The following ASTN2 variants were observed in gnomAD, a reference collection of about 807,000 sequenced individuals.
ASTN2 encodes astrotactin-2.
In ASTN2, 54 loss-of-function variants were observed where a neutral mutation model predicts 139.8. The ratio of observed to expected loss-of-function variants is 0.39; its 90% CI spans 0.31 to 0.48. ASTN2 has a LOEUF of 0.48. ASTN2 is among the 20% of genes least tolerant of loss of function. The pLI is 0.95. For synonymous variants in ASTN2, 756 were observed against 719.5 expected (o/e 1.05, Z -0.81); for missense variants, 1,565 against 1,725.1 (o/e 0.91, Z 1.64).
intron 11 of ASTN2, among the ~76,000 whole-genome samples, chr9:116,834,531 A>C (rs1831925630): frequency 6.6e-6 from 1 of 152,176 alleles, no homozygotes; most frequent in Admixed American, 6.5e-5. Context: ...GATATTTTAT[A>C]ATTATTTGGT....
rs758443253 is a variant in ASTN2 at position 116,651,803 on chromosome 9, C to A, written c.2807-10G>T. On this transcript the variant is annotated splice_polypyrimidine_tract_variant and intron_variant, in intron 16 of 22. Coordinates refer to ENST00000313400, the MANE Select transcript of ASTN2 (RefSeq NM_001365068.1). ...CCCAGCTCTGTGGTCTCTGGAGAGG[C>A]ACAAGACAGGAAGAGCGAAAGGTAA... 1.2e-6 allele frequency: 2 copies of A among 1,609,574 alleles called. No homozygotes were observed. Among genetic ancestry groups the A allele is most frequent in the Admixed American group, 3.3e-5 (2 of 59,922 alleles).
chr9:116,607,673 ACACACACACAC>A (rs1564149438), intron 19 of ASTN2, among the ~76,000 whole-genome samples: 6 of 7,270 alleles, frequency 8.3e-4, no homozygotes, highest in Admixed American at 2.0e-3. Context: ...AGAAATTAAC[ACACACACACAC>A]ACACACACAC....
intron 10 of ASTN2, among the ~76,000 whole-genome samples, chr9:116,963,617 C>T (rs753148869): frequency 3.9e-5 from 6 of 152,056 alleles, no homozygotes; most frequent in African/African-American, 9.7e-5. Context: ...GTGTCCACGA[C>T]GATAGAGAGG....
intron 5 of ASTN2, among the ~76,000 whole-genome samples, chr9:117,066,708 A>G (rs1289521952): frequency 1.3e-5 from 2 of 152,214 alleles, no homozygotes; most frequent in South Asian, 4.1e-4. Flanking sequence ...AATGATTGCC[A>G]TTCTAACTGG....
intron 4 of ASTN2, among the ~76,000 whole-genome samples, chr9:117,107,077 A>T (rs1259877489): frequency 6.6e-6 from 1 of 152,138 alleles, no homozygotes; most frequent in Non-Finnish European, 1.5e-5. Context: ...TTGCTTATGG[A>T]ATTAAAGCTA....
At chr9:116,882,195 C>T (rs1833466607) in intron 10 of ASTN2, among the ~76,000 whole-genome samples, 1 of 152,098 alleles carries the variant, frequency 6.6e-6, no homozygotes, top group Admixed American at 6.6e-5. Context: ...CTTCTGTACC[C>T]AACAAGGCCA....
At chr9:117,274,069 G>A (rs1326857241) in intron 2 of ASTN2, among the ~76,000 whole-genome samples, 1 of 152,146 alleles carries the variant, frequency 6.6e-6, no homozygotes, top group Non-Finnish European at 1.5e-5. Flanking sequence ...CTGGAGTGGA[G>A]GTCTGGTGTG....
intron 19 of ASTN2, among the ~76,000 whole-genome samples, chr9:116,501,644 T>C (rs767011208): frequency 6.6e-6 from 1 of 151,778 alleles, no homozygotes; most frequent in African/African-American, 2.4e-5. Context: ...TAGGTGGGAA[T>C]TGAACAATGA....
At chr9:116,693,832 TTCTA>T (rs1564211912) in intron 16 of ASTN2, among the ~76,000 whole-genome samples, 1 of 152,218 alleles carries the variant, frequency 6.6e-6, no homozygotes, top group Non-Finnish European at 1.5e-5. Flanking sequence ...CAAATTGACC[TTCTA>T]TCTGAGTCAT....
At chr9:117,009,188 T>G (rs1837443376) in intron 6 of ASTN2, among the ~76,000 whole-genome samples, 1 of 152,132 alleles carries the variant, frequency 6.6e-6, no homozygotes, top group African/African-American at 2.4e-5. Flanking sequence ...ATATTAACAT[T>G]TTTATTATTA....
rs570517900 is a variant in ASTN2, at chr9:116,882,175, T to A, written c.1890-18442A>T. ...TGCACTCTTAGCTGTCAGATACGAG[T>A]AAGCCATAGCTTCTGTACCCAACAA... On this transcript the variant is annotated intron_variant, in intron 10 of 22. Coordinates refer to ENST00000313400, the MANE Select transcript of ASTN2 (RefSeq NM_001365068.1). 2.0e-5 allele frequency among the ~76,000 whole-genome samples: 3 copies of A among 152,242 alleles called. No individual in the cohort carries two copies. In the South Asian group the frequency reaches 6.2e-4, roughly 32 times the overall value.
intron 10 of ASTN2, among the ~76,000 whole-genome samples, chr9:116,930,069 G>A (rs1169156280): frequency 2.6e-5 from 4 of 152,170 alleles, no homozygotes; most frequent in Admixed American, 1.3e-4. Context: ...CAAGGCCAGT[G>A]ACTTCCCAAT....
chr9:116,519,817 G>T (rs933779635), intron 19 of ASTN2, among the ~76,000 whole-genome samples: 18 of 151,844 alleles, frequency 1.2e-4, no homozygotes, highest in African/African-American at 4.3e-4. Flanking sequence ...GAAATAAAAT[G>T]GGAGATATTA....
chr9:117,030,665 T>C (rs1312844677), intron 6 of ASTN2, among the ~76,000 whole-genome samples: 1 of 152,076 alleles, frequency 6.6e-6, no homozygotes, highest in East Asian at 1.9e-4. Flanking sequence ...CATTTTAACC[T>C]GGGGATCAGT....
intron 10 of ASTN2, among the ~76,000 whole-genome samples, chr9:116,900,474 G>C (rs1833980595): frequency 6.6e-6 from 1 of 152,200 alleles, no homozygotes; most frequent in African/African-American, 2.4e-5. Flanking sequence ...TTTGTAGAGA[G>C]AGAAATCATT....
At position 116,699,470 on chromosome 9, in the gene ASTN2, C is replaced by T. The variant is rs774825642; in HGVS notation, c.2806+26301G>A. On this transcript the variant is annotated intron_variant, in intron 16 of 22. Transcript: ENST00000313400. The surrounding 1 kb of genome is among the most constrained non-coding windows in gnomAD (Gnocchi z 4.2). ...TCTTCTCGGAGAATGAGGATTTCCGCTGCATTGCTGGCATGTGTGTGGATG... is the reference window on the plus strand; with the variant it reads ...TCTTCTCGGAGAATGAGGATTTCCGTTGCATTGCTGGCATGTGTGTGGATG... 1.9e-5 allele frequency: 31 copies of T among 1,614,110 alleles called. No individual in the cohort carries two copies. In the East Asian group the frequency reaches 6.5e-4, roughly 34 times the overall value.
chr9:116,918,289 C>G (rs545504969), intron 10 of ASTN2, among the ~76,000 whole-genome samples: 1 of 152,266 alleles, frequency 6.6e-6, no homozygotes, highest in South Asian at 2.1e-4. Context: ...GCTCATTGAG[C>G]AGGAAACAGG....
chr9:116,516,428 T>A (rs1850652127), intron 19 of ASTN2, among the ~76,000 whole-genome samples: 1 of 152,246 alleles, frequency 6.6e-6, no homozygotes, highest in Non-Finnish European at 1.5e-5. Context: ...TCTCATTTGA[T>A]CTTTATTGTA....
Position 117,096,030 on chromosome 9 carries a change from A to G in ASTN2, c.1276+14T>C, listed in dbSNP as rs777028819. ...ACAAACTCTGGTTCTGGAACCTTCCAAGGACACTATTACCTTTGCTGCGGC... is the reference window on the plus strand; with the variant it reads ...ACAAACTCTGGTTCTGGAACCTTCCGAGGACACTATTACCTTTGCTGCGGC... On this transcript the variant is annotated intron_variant, in intron 5 of 22. Coordinates refer to ENST00000313400, the MANE Select transcript of ASTN2 (RefSeq NM_001365068.1). 2 of 1,612,418 alleles carry G rather than the reference A, an allele frequency of 1.2e-6. No homozygotes were observed. The highest frequency in any genetic ancestry group is 1.1e-5 in the South Asian group (1 of 91,026).
Sources: allele counts gnomAD v4.1 joint callset (sites outside exome capture counted in the v4.1 genomes callset), GRCh38; gene constraint gnomAD v4.1.1; non-coding constraint Gnocchi (gnomAD v3.1); transcripts MANE v1.5; gene names NCBI Gene and HGNC (gene_info 2026-07-23, HGNC 2026-07-21).